Variants in CYRIB observed in about 807,000 individuals in gnomAD.
The protein encoded by CYRIB is CYFIP related Rac1 interactor B.
A neutral mutation model predicts 44.2 loss-of-function variants in CYRIB; 8 were observed. The observed-to-expected ratio is 0.18, with a 90% CI of 0.11 to 0.33. The LOEUF (loss-of-function observed/expected upper bound fraction) is 0.33. CYRIB is among the 10% of genes least tolerant of loss of function. CYRIB has a pLI of 1.00. For missense variants in CYRIB, 185 were observed against 382.8 expected (o/e 0.48, Z 4.31); for synonymous variants, 131 against 127.2 (o/e 1.03, Z -0.20).
chr8:129,925,301 G>A (rs1268362462), intron 1 of CYRIB, among the ~76,000 whole-genome samples: 1 of 152,194 alleles, frequency 6.6e-6, no homozygotes. Flanking sequence ...AGGAGGCTGA[G>A]GCACGAGAAT....
chr8:129,889,912 T>A (rs957781377), intron 2 of CYRIB, among the ~76,000 whole-genome samples: 59 of 152,178 alleles, frequency 3.9e-4, no homozygotes, highest in African/African-American at 1.4e-3. Flanking sequence ...TAGCTGAGAC[T>A]ACAGGCACAA....
intron 1 of CYRIB, among the ~76,000 whole-genome samples, chr8:129,991,958 A>C (rs1487679279): frequency 1.4e-5 from 2 of 146,934 alleles, no homozygotes; most frequent in Non-Finnish European, 3.0e-5. Flanking sequence ...AAAAAAAAAA[A>C]AAAAAAAAAA....
At chr8:130,010,881 G>A (rs537726627) in intron 1 of CYRIB, among the ~76,000 whole-genome samples, 1 of 152,218 alleles carries the variant, frequency 6.6e-6, no homozygotes, top group South Asian at 2.1e-4. Context: ...ATCGCATCAT[G>A]TGCAAAAGTG....
chr8:129,889,884 G>A (rs971505793), intron 2 of CYRIB, among the ~76,000 whole-genome samples: 3 of 150,110 alleles, frequency 2.0e-5, no homozygotes, highest in South Asian at 2.1e-4. Context: ...AGCAATTCTC[G>A]TGCCTCAACC....
chr8:129,864,468 A>G (rs1474517199), intron 4 of CYRIB: 1 of 165,648 alleles, frequency 6.0e-6, no homozygotes, highest in Non-Finnish European at 1.3e-5. Flanking sequence ...CAGCCATCAA[A>G]TAAGCCAAGA....
intron 1 of CYRIB, among the ~76,000 whole-genome samples, chr8:129,920,008 A>C (rs2082711033): frequency 6.6e-6 from 1 of 150,846 alleles, no homozygotes; most frequent in East Asian, 1.9e-4. Context: ...CCCTTCTGTT[A>C]TTTCTATTTA....
intron 2 of CYRIB, among the ~76,000 whole-genome samples, chr8:129,952,495 TAGAG>T (rs1488211873): frequency 1.3e-5 from 2 of 152,104 alleles, no homozygotes; most frequent in African/African-American, 4.8e-5. Context: ...GGAGAAATGG[TAGAG>T]AGGATCAGAG....
At chr8:129,850,814 A>G in intron 9 of CYRIB, 21 bp downstream of exon 11, 1 of 1,581,738 alleles carries the variant, frequency 6.3e-7, no homozygotes, top group Non-Finnish European at 8.7e-7. Context: ...GTTAAAGTGA[A>G]AAAGATCAGC....
At chr8:129,934,690 C>G (rs895302839) in intron 1 of CYRIB, among the ~76,000 whole-genome samples, 1 of 152,078 alleles carries the variant, frequency 6.6e-6, no homozygotes, top group African/African-American at 2.4e-5. Flanking sequence ...TAGGATTAAA[C>G]AAGTTTTATT....
chr8:129,950,068 G>C (rs1223717359), intron 2 of CYRIB, among the ~76,000 whole-genome samples: 1 of 152,036 alleles, frequency 6.6e-6, no homozygotes, highest in Non-Finnish European at 1.5e-5. Context: ...TTAAATGTTT[G>C]GTAAACTCTT....
intron 1 of CYRIB, among the ~76,000 whole-genome samples, chr8:129,983,937 C>T (rs2096354425): frequency 6.6e-6 from 1 of 152,214 alleles, no homozygotes; most frequent in South Asian, 2.1e-4. Flanking sequence ...GGCAGCAGGT[C>T]CTAGGAGAAG....
At chr8:129,851,032 T>C in intron 8 of CYRIB, 118 bp from the exon 11 acceptor site, 1 of 657,590 alleles carries the variant, frequency 1.5e-6, no homozygotes, top group Non-Finnish European at 2.6e-6. Flanking sequence ...TTCCTACTCC[T>C]AATTTTCTAA....
At chr8:130,001,644 T>TCAG (rs1207500458) in intron 1 of CYRIB, among the ~76,000 whole-genome samples, 2 of 149,308 alleles carry the variant, frequency 1.3e-5, no homozygotes, top group Admixed American at 1.4e-4. Flanking sequence ...TTCTCCTGCC[T>TCAG]CAGCCTCACG....
chr8:129,942,772 T>C (rs1276133069), upstream of CYRIB, among the ~76,000 whole-genome samples: 1 of 152,202 alleles, frequency 6.6e-6, no homozygotes, highest in Non-Finnish European at 1.5e-5. Context: ...GCTCTTGACT[T>C]GTTTTCTTCT....
chr8:129,963,624 G>C (rs1174526726), intron 2 of CYRIB, among the ~76,000 whole-genome samples: 1 of 152,198 alleles, frequency 6.6e-6, no homozygotes, highest in Non-Finnish European at 1.5e-5. Flanking sequence ...TTACTAGTTG[G>C]AGGAGTCAGA....
chr8:129,946,177 A>G (rs1443512709), intron 2 of CYRIB, among the ~76,000 whole-genome samples: 1 of 152,236 alleles, frequency 6.6e-6, no homozygotes, highest in Non-Finnish European at 1.5e-5. Flanking sequence ...TTACTGGGTC[A>G]AAGGATCTGA....
chr8:129,906,933 T>TA lies in CYRIB; in HGVS notation c.-49-3584dup, dbSNP rs1221425951. On this transcript the variant is annotated intron_variant, in intron 1 of 11. Transcript: ENST00000519824. ...TCACACCAGTTAGAATGGCAATCAT[T>TA]AAAAAGTCAGGAAACGACAGGTGCT... is the stretch of plus-strand genomic sequence containing the variant. 3.9e-5 allele frequency among the ~76,000 whole-genome samples: 6 copies of TA among 152,210 alleles called. No individual in the cohort carries two copies. The East Asian group carries it at 9.7e-4, about 24-fold the overall frequency.
intron 2 of CYRIB, among the ~76,000 whole-genome samples, chr8:129,894,209 A>T (rs2066786357): frequency 6.6e-6 from 1 of 152,224 alleles, no homozygotes; most frequent in African/African-American, 2.4e-5. Flanking sequence ...TGAAAAGGCA[A>T]CTGTAACTTT....
chr8:129,866,709 C>T (rs1173269739), intron 4 of CYRIB, among the ~76,000 whole-genome samples: 1 of 152,200 alleles, frequency 6.6e-6, no homozygotes, highest in Non-Finnish European at 1.5e-5. Flanking sequence ...TTCATTCTCA[C>T]AATATAAAAA....
Sources: gnomAD v4.1 joint callset for allele counts (sites outside exome capture counted in the v4.1 genomes callset) on GRCh38, gnomAD v4.1.1 for gene constraint, MANE v1.5 for transcripts, NCBI Gene and HGNC (gene_info 2026-07-23, HGNC 2026-07-21) for gene names.